TAFA1: variants seen among roughly 807,000 people sequenced by gnomAD.
TAFA1 encodes the protein TAFA chemokine like family member 1.
TAFA1 carries 4 observed loss-of-function variants against 18.5 expected under a neutral mutation model. The observed-to-expected ratio is 0.22, with a 90% CI of 0.11 to 0.49. The LOEUF (loss-of-function observed/expected upper bound fraction) is 0.49, where lower values mean the gene tolerates loss of function less well. TAFA1 is among the 20% of genes least tolerant of loss of function. The pLI is 0.98. For missense variants in TAFA1, 147 were observed against 169.0 expected, an observed-to-expected ratio of 0.87 and a Z score of 0.72; for synonymous variants, 56 against 55.2, an observed-to-expected ratio of 1.01 and a Z score of -0.06.
At chr3:68,118,665 T>C (rs1217394185) in intron 2 of TAFA1, among the ~76,000 whole-genome samples, 1 of 152,224 alleles carries the variant, frequency 6.6e-6, no homozygotes, top group African/African-American at 2.4e-5. Flanking sequence ...CGTAGCATAA[T>C]GTACTCAAGA....
At chr3:68,283,362 C>T (rs1318271510) in intron 2 of TAFA1, among the ~76,000 whole-genome samples, 1 of 152,154 alleles carries the variant, frequency 6.6e-6, no homozygotes, top group Non-Finnish European at 1.5e-5. Context: ...ATATGTATTA[C>T]TGTTTTGGAT....
chr3:68,420,223 T>C (rs2070928259), intron 3 of TAFA1, among the ~76,000 whole-genome samples: 2 of 152,142 alleles, frequency 1.3e-5, no homozygotes, highest in Non-Finnish European at 2.9e-5. Context: ...ATGTGGCATA[T>C]ACAGCTGTCA....
chr3:68,083,354 C>G (rs985732990), intron 2 of TAFA1, among the ~76,000 whole-genome samples: 10 of 152,158 alleles, frequency 6.6e-5, no homozygotes, highest in Non-Finnish European at 1.3e-4. Context: ...TTTTAATTGC[C>G]TGTTTTCTAT....
At chr3:68,479,241 A>AAAATATATAT (rs1353493315) in intron 3 of TAFA1, among the ~76,000 whole-genome samples, 170 of 123,630 alleles carry the variant, frequency 1.4e-3, no homozygotes, top group African/African-American at 5.3e-3. Context: ...AAAAAAAAAA[A>AAAATATATAT]ATATATATAT....
chr3:68,394,213 A>C (rs1173544682), intron 2 of TAFA1, among the ~76,000 whole-genome samples: 1 of 152,210 alleles, frequency 6.6e-6, no homozygotes, highest in African/African-American at 2.4e-5. Context: ...TGCTGCAAAG[A>C]GAATAAAATA....
At chr3:68,500,628 T>C (rs1413183896) in intron 3 of TAFA1, among the ~76,000 whole-genome samples, 3 of 152,122 alleles carry the variant, frequency 2.0e-5, no homozygotes, top group Admixed American at 6.6e-5. Flanking sequence ...GCTTTTGTGA[T>C]GTCATGACAG....
intron 2 of TAFA1, among the ~76,000 whole-genome samples, chr3:68,284,470 G>T (rs2067959552): frequency 6.6e-6 from 1 of 152,164 alleles, no homozygotes; most frequent in African/African-American, 2.4e-5. Context: ...CTCTGACCCA[G>T]AAATTCTTTC....
At chr3:68,372,130 T>C (rs1485226508) in intron 2 of TAFA1, among the ~76,000 whole-genome samples, 2 of 152,176 alleles carry the variant, frequency 1.3e-5, no homozygotes, top group Non-Finnish European at 2.9e-5. Flanking sequence ...AACTTTTGGA[T>C]AAATATTTAA....
chr3:68,421,298 G>A (rs2070951229), intron 3 of TAFA1, among the ~76,000 whole-genome samples: 1 of 152,094 alleles, frequency 6.6e-6, no homozygotes, highest in African/African-American at 2.4e-5. Context: ...AAAGTATTGA[G>A]TGTTCTTTAT....
rs144155952 is a variant in TAFA1 at position 68,338,142 on chromosome 3, G to T, written c.119-79138G>T. 3.3e-4 allele frequency among the ~76,000 whole-genome samples: 50 copies of T among 152,306 alleles called. No homozygotes were observed. In the East Asian group the frequency reaches 9.5e-3, roughly 29 times the overall value. On this transcript the variant is annotated intron_variant, in intron 2 of 4. Coordinates refer to ENST00000478136, the MANE Select transcript of TAFA1 (RefSeq NM_213609.4). ...CTGCTATGGATCTTTCATGCCTGTT[G>T]TTAACAACACTTGGATGAGGCCATG...
intron 2 of TAFA1, among the ~76,000 whole-genome samples, chr3:68,363,015 G>C (rs1047270237): frequency 3.4e-5 from 3 of 88,410 alleles, no homozygotes; most frequent in Admixed American, 1.7e-4. Flanking sequence ...CAGTTTAACT[G>C]TCCTGACTTT....
At chr3:68,528,687 T>G (rs2073143223) in intron 3 of TAFA1, among the ~76,000 whole-genome samples, 1 of 152,194 alleles carries the variant, frequency 6.6e-6, no homozygotes, top group Non-Finnish European at 1.5e-5. Flanking sequence ...TCTGGAGATT[T>G]GTCTTGATTG....
At chr3:68,513,851 T>C (rs11921951) in intron 3 of TAFA1, among the ~76,000 whole-genome samples, 17,003 of 152,230 alleles carry the variant, frequency 0.11, 2,442 homozygotes, top group African/African-American at 0.31. Flanking sequence ...AAGTAGCTTT[T>C]GATCAAACTA....
At chr3:68,292,977 G>A (rs1462881353) in intron 2 of TAFA1, among the ~76,000 whole-genome samples, 2 of 151,916 alleles carry the variant, frequency 1.3e-5, no homozygotes, top group Non-Finnish European at 2.9e-5. Flanking sequence ...ATTCTCTCAT[G>A]AATTCTCAAA....
chr3:68,454,223 A>T (rs2071617563), intron 3 of TAFA1, among the ~76,000 whole-genome samples: 1 of 152,176 alleles, frequency 6.6e-6, no homozygotes, highest in African/African-American at 2.4e-5. Flanking sequence ...CATCATATGT[A>T]CTAAGTCCCT....
chr3:68,377,767 G>A (rs529267006), intron 2 of TAFA1, among the ~76,000 whole-genome samples: 4 of 152,172 alleles, frequency 2.6e-5, no homozygotes, highest in African/African-American at 9.6e-5. Context: ...AAATGGTTTC[G>A]TGATTTGGGT....
intron 3 of TAFA1, among the ~76,000 whole-genome samples, chr3:68,507,658 G>A (rs1425371565): frequency 6.6e-6 from 1 of 152,084 alleles, no homozygotes; most frequent in Admixed American, 6.6e-5. Context: ...GCATCGTAGT[G>A]TGATAAAGAC....
At chr3:68,095,660 A>T (rs1204494310) in intron 2 of TAFA1, among the ~76,000 whole-genome samples, 1 of 152,174 alleles carries the variant, frequency 6.6e-6, no homozygotes, top group Non-Finnish European at 1.5e-5. Flanking sequence ...GATAATGATG[A>T]TGGTGGTGAT....
At chr3:68,304,179 T>C (rs1293108846) in intron 2 of TAFA1, among the ~76,000 whole-genome samples, 1 of 152,122 alleles carries the variant, frequency 6.6e-6, no homozygotes. Context: ...AAATACACAA[T>C]AGCTGTGTGA....
Sources: gnomAD v4.1 joint callset for allele counts (sites outside exome capture counted in the v4.1 genomes callset) on GRCh38, gnomAD v4.1.1 for gene constraint, MANE v1.5 for transcripts, NCBI Gene and HGNC (gene_info 2026-07-23, HGNC 2026-07-21) for gene names.